Variants in SLC2A14 observed in about 807,000 individuals in gnomAD.
SLC2A14 encodes the protein solute carrier family 2, facilitated glucose transporter member 14.
SLC2A14 carries 13 observed loss-of-function variants against 43.0 expected under a neutral mutation model. That is an observed-to-expected ratio of 0.30 (90% CI 0.20 to 0.48). The LOEUF (loss-of-function observed/expected upper bound fraction) is 0.48, where lower values mean the gene tolerates loss of function less well. Ranked by LOEUF, SLC2A14 falls within the 20% of genes least tolerant of loss-of-function variation. SLC2A14 has a pLI of 0.99. For synonymous variants in SLC2A14, 190 were observed against 233.8 expected, an observed-to-expected ratio of 0.81 and a Z score of 1.71; for missense variants, 428 against 620.4, an observed-to-expected ratio of 0.69 and a Z score of 3.29.
At chr12:7,882,498 C>T (rs1945602053) in intron 1 of SLC2A14, among the ~76,000 whole-genome samples, 1 of 151,978 alleles carries the variant, frequency 6.6e-6, no homozygotes. Flanking sequence ...CCAGCCTGGG[C>T]AACGGAGCGA....
chr12:7,870,751 A>G, intron 1 of SLC2A14: 2 of 622,826 alleles, frequency 3.2e-6, no homozygotes, highest in Non-Finnish European at 4.2e-6. Flanking sequence ...AAACCTCAGA[A>G]CTCTTTTAAC....
chr12:7,856,375 G>A (rs1241333796), intron 2 of SLC2A14: 2 of 152,126 alleles, frequency 1.3e-5, no homozygotes, highest in African/African-American at 2.4e-5. Flanking sequence ...ACAGAGCATG[G>A]CCCATATAAG....
chr12:7,871,982 GA>G, intron 1 of SLC2A14: 4 of 806,928 alleles, frequency 5.0e-6, no homozygotes, highest in Non-Finnish European at 6.0e-6. Flanking sequence ...AAAAGAAAAA[GA>G]AAAAAAAAGT....
At chr12:7,876,596 T>C (rs763150561), upstream of SLC2A14, among the ~76,000 whole-genome samples, 2 of 152,278 alleles carry the variant, frequency 1.3e-5, no homozygotes, top group East Asian at 3.9e-4. Flanking sequence ...CTTCTGGGTA[T>C]ATATCCAAAG....
At chr12:7,856,482 T>C (rs1867392484) in intron 2 of SLC2A14, 1 of 152,180 alleles carries the variant, frequency 6.6e-6, no homozygotes, top group African/African-American at 2.4e-5. Flanking sequence ...AAAACTAATG[T>C]GTGTGGTTTG....
rs887012912 is a variant in SLC2A14, at chr12:7,814,590, T to G, written c.1276-56A>C. On this transcript the variant is annotated intron_variant, in intron 10 of 10. Transcript: ENST00000431042. ...ATATAAAAATCTGGTCATTGACAAA[T>G]ACAATTTCCTTCACATTCATATTTC... is the stretch of plus-strand genomic sequence containing the variant. The G allele has an allele frequency of 4.3e-5, 67 of 1,545,680 alleles. No individual in the cohort carries two copies. In the Middle Eastern group the frequency reaches 1.0e-3, roughly 24 times the overall value.
intron 2 of SLC2A14, among the ~76,000 whole-genome samples, chr12:7,838,618 C>A (rs1217425585): frequency 6.6e-6 from 1 of 152,104 alleles, no homozygotes; most frequent in Admixed American, 6.6e-5. Flanking sequence ...TCACCCATAC[C>A]AAATTTAGAT....
chr12:7,841,836 T>A (rs778880220), intron 2 of SLC2A14, among the ~76,000 whole-genome samples: 1 of 151,756 alleles, frequency 6.6e-6, no homozygotes. Flanking sequence ...TGAAACCCCA[T>A]CTCTACTAAA....
chr12:7,828,216 T>A (rs1273890138), intron 6 of SLC2A14, among the ~76,000 whole-genome samples: 1 of 151,872 alleles, frequency 6.6e-6, no homozygotes, highest in Non-Finnish European at 1.5e-5. Flanking sequence ...ACAAAAACAT[T>A]AGCTGGCGTG....
chr12:7,860,490 C>A (rs1030162793), intron 2 of SLC2A14: 11 of 152,044 alleles, frequency 7.2e-5, no homozygotes, highest in African/African-American at 2.7e-4. Flanking sequence ...TGATAATTCA[C>A]TGAATGAGGA....
At chr12:7,883,590 C>CTTTTTTTTTTTTTTTTTTTT (rs1204450230) in intron 1 of SLC2A14, among the ~76,000 whole-genome samples, 2 of 95,214 alleles carry the variant, frequency 2.1e-5, no homozygotes, top group African/African-American at 4.5e-5. Flanking sequence ...TTTTTCTTTT[C>CTTTTTTTTTTTTTTTTTTTT]TTTTTTTTTT....
chr12:7,869,177 C>T (rs1945095982), intron 2 of SLC2A14, among the ~76,000 whole-genome samples: 1 of 151,442 alleles, frequency 6.6e-6, no homozygotes, highest in South Asian at 2.1e-4. Context: ...ACTAAGTATG[C>T]TCTGCTTCTC....
intron 1 of SLC2A14, chr12:7,871,041 G>T: frequency 1.4e-6 from 2 of 1,423,274 alleles, no homozygotes. Context: ...CTTCACCGCG[G>T]AAGAACCCCA....
At chr12:7,844,309 G>A (rs1866270316) in intron 2 of SLC2A14, among the ~76,000 whole-genome samples, 1 of 152,086 alleles carries the variant, frequency 6.6e-6, no homozygotes, top group Non-Finnish European at 1.5e-5. Context: ...ACTATGTGGT[G>A]GTGTTGGTAG....
At chr12:7,844,726 G>A (rs1866314580) in intron 2 of SLC2A14, among the ~76,000 whole-genome samples, 3 of 151,874 alleles carry the variant, frequency 2.0e-5, no homozygotes, top group Non-Finnish European at 4.4e-5. Flanking sequence ...TAGTAAAGAG[G>A]GGTTTCACCA....
At position 7,832,762 on chromosome 12, in the gene SLC2A14, T is replaced by G; in HGVS notation, c.71A>C (p.Gln24Pro). 1.2e-6 allele frequency: 2 copies of G among 1,614,092 alleles called. No individual in the cohort carries two copies. The highest frequency in any genetic ancestry group is 1.7e-6 in the Non-Finnish European group (2 of 1,180,002). Residue 24 changes from glutamine (Q) to proline (P), a missense_variant, in exon 3 of 11, where the codon CAG becomes CCG. Transcript: ENST00000431042. ...GATGACCCCAGTGTTGTAGCCAAAC[T>G]GGAAAGAGCCGATTGTAGCAACTGT... Reference protein sequence around the residue: ...AITVATIGSFQFGYNTGVINA... With the variant: ...AITVATIGSFPFGYNTGVINA...
chr12:7,884,933 A>G (rs1945662887), intron 1 of SLC2A14, among the ~76,000 whole-genome samples: 1 of 152,136 alleles, frequency 6.6e-6, no homozygotes, highest in African/African-American at 2.4e-5. Flanking sequence ...AATATTGTTC[A>G]AGGTCAGGAC....
chr12:7,828,901 A>G (rs765826705), intron 5 of SLC2A14, 35 bp from the exon 6 acceptor site: 5 of 1,600,628 alleles, frequency 3.1e-6, no homozygotes, highest in Non-Finnish European at 3.4e-6. Flanking sequence ...TATAAACCCC[A>G]TACTTCACAG....
At chr12:7,877,418 G>A (rs1374956084), upstream of SLC2A14, among the ~76,000 whole-genome samples, 7 of 151,754 alleles carry the variant, frequency 4.6e-5, no homozygotes, top group Non-Finnish European at 1.0e-4. Context: ...AGGAGAGAGA[G>A]TACAAAATTT....
Sources: allele counts gnomAD v4.1 joint callset (sites outside exome capture counted in the v4.1 genomes callset), GRCh38; gene constraint gnomAD v4.1.1; transcripts MANE v1.5; gene names NCBI Gene and HGNC (gene_info 2026-07-23, HGNC 2026-07-21).